CD300LF: variants seen among roughly 807,000 people sequenced by gnomAD.
CD300LF encodes CMRF35-like molecule 1.
A neutral mutation model predicts 32.2 loss-of-function variants in CD300LF; 27 were observed. That is an observed-to-expected ratio of 0.84 (90% confidence interval 0.62 to 1.15). The LOEUF (loss-of-function observed/expected upper bound fraction) is 1.15, where lower values mean the gene tolerates loss of function less well. CD300LF is among the 50% of genes most tolerant of loss of function. The pLI is 0.00. For missense variants in CD300LF, 348 were observed against 356.8 expected (o/e 0.98, Z 0.20); for synonymous variants, 139 against 143.2 (o/e 0.97, Z 0.21).
chr17:74,699,536 C>T (rs765712607), intron 3 of CD300LF, among the ~76,000 whole-genome samples: 9 of 152,004 alleles, frequency 5.9e-5, no homozygotes, highest in African/African-American at 9.7e-5. Context: ...GACCATGAGA[C>T]GACAGAGACA....
rs138502750 is a variant in CD300LF at position 74,700,913 on chromosome 17, G to T, written c.446+2122C>A. ...AAAGAGGTGATTGAGGTTAAGTGAG[G>T]TCACTGGGGCAGGCCCTAATCCATT... On this transcript the variant is annotated intron_variant, in intron 3 of 6. Coordinates refer to ENST00000326165, the MANE Select transcript of CD300LF (RefSeq NM_139018.5). Among the ~76,000 whole-genome samples the T allele has an allele frequency of 7.1e-3, 1,066 of 150,014 alleles. 4 individuals are homozygous for T. Among genetic ancestry groups the T allele is most frequent in the South Asian group, 0.04 (185 of 4,604 alleles).
Position 74,695,057 on chromosome 17 carries a change from C to A in CD300LF, c.*39G>T. 6.3e-7 allele frequency: 1 copy of A among 1,594,224 alleles called. No homozygotes were observed. The highest frequency in any genetic ancestry group is 8.6e-7 in the Non-Finnish European group (1 of 1,169,024). On this transcript the variant is annotated 3_prime_UTR_variant, in exon 7 of 7. Transcript: ENST00000326165. ...AGACGGTCGATGAGGCAGGAGTGTG[C>A]TCACAGCCTGGGGTCCAAGAAGGAG...
At chr17:74,700,323 G>A (rs756020322) in intron 3 of CD300LF, among the ~76,000 whole-genome samples, 11 of 152,076 alleles carry the variant, frequency 7.2e-5, no homozygotes, top group Non-Finnish European at 1.3e-4. Context: ...ACTTCCTGCT[G>A]CTCCTCAAAT....
Position 74,700,506 on chromosome 17 carries a change from C to T in CD300LF, c.447-2025G>A, listed in dbSNP as rs143113316. ...CTGTAATCCCAGCACTTTGGGAGGC[C>T]GAGGCAGGCTGATCACATGAGGTCG... On this transcript the variant is annotated intron_variant, in intron 3 of 6. Coordinates refer to ENST00000326165, the MANE Select transcript of CD300LF (RefSeq NM_139018.5). Among the ~76,000 whole-genome samples, 715 of 152,158 alleles carry T rather than the reference C, an allele frequency of 4.7e-3. 5 individuals are homozygous for T. Among genetic ancestry groups the T allele is most frequent in the Non-Finnish European group, 8.3e-3 (562 of 67,994 alleles).
intron 1 of CD300LF, among the ~76,000 whole-genome samples, chr17:74,705,670 C>A (rs1156730351): frequency 1.3e-5 from 2 of 152,110 alleles, no homozygotes; most frequent in African/African-American, 4.8e-5. Context: ...TCATGGCTCA[C>A]TGAAGCCTTC....
Position 74,712,758 on chromosome 17 carries a change from C to G in CD300LF, c.43+66G>C, listed in dbSNP as rs1246962827. 3.8e-6 allele frequency: 6 copies of G among 1,570,394 alleles called. No individual in the cohort carries two copies. The Admixed American group carries it at 6.7e-5, about 18-fold the overall frequency. On this transcript the variant is annotated intron_variant, in intron 1 of 6. Coordinates refer to ENST00000326165, the MANE Select transcript of CD300LF (RefSeq NM_139018.5). The stretch of plus-strand genomic sequence containing the variant: ...ACACCTTCTGGCCGGGTCCCTTCTT[C>G]CCTCTCTCAGCCACCTCCTCCTGCT...
rs559869971 is a variant in CD300LF at position 74,703,142 on chromosome 17, C to T, written c.383-44G>A. 33 of 1,612,616 alleles carry T rather than the reference C, an allele frequency of 2.0e-5. No homozygotes were observed. The South Asian group carries it at 3.1e-4, about 15-fold the overall frequency. ...TAGGCGTGGTGGGGGCAGGAGTCGA[C>T]GCTGTAGTTGATGCTTGGTGTATAA... is the stretch of plus-strand genomic sequence containing the variant. On this transcript the variant is annotated intron_variant, in intron 2 of 6. Transcript: ENST00000326165.
intron 1 of CD300LF, chr17:74,705,337 T>C: frequency 1.5e-6 from 1 of 675,444 alleles, no homozygotes; most frequent in Non-Finnish European, 2.8e-6. Context: ...TGAATGCCTT[T>C]GAAGTTGATC....
rs770842202 is a variant in CD300LF, at chr17:74,698,499, C to T, written c.447-18G>A. The T allele has an allele frequency of 1.8e-5, 29 of 1,603,870 alleles. No individual in the cohort carries two copies. Among genetic ancestry groups the T allele is most frequent in the East Asian group, 4.5e-5 (2 of 44,486 alleles). ...GCTTGTGCCTAGAAACAATGGCAAG[C>T]GTCCCCTGCATCCCAGGCTCACCAC... is the stretch of plus-strand genomic sequence containing the variant. On this transcript the variant is annotated intron_variant, in intron 3 of 6. Transcript: ENST00000326165.
At chr17:74,698,308 A>T in intron 4 of CD300LF, 61 bp downstream of exon 4, 1 of 1,160,728 alleles carries the variant, frequency 8.6e-7, no homozygotes, top group Non-Finnish European at 1.3e-6. Context: ...GATAGCTCCC[A>T]GATGCCACAT....
chr17:74,709,467 T>C (rs540036975), intron 1 of CD300LF, among the ~76,000 whole-genome samples: 47 of 152,342 alleles, frequency 3.1e-4, no homozygotes, highest in Admixed American at 1.2e-3. Flanking sequence ...TATAATAATT[T>C]GTTAACATGG....
chr17:74,704,569 A>C lies in CD300LF; in HGVS notation c.291T>G (p.Asp97Glu), dbSNP rs371970741. 7.4e-6 allele frequency: 12 copies of C among 1,613,996 alleles called. No homozygotes were observed. The African/African-American group carries it at 1.6e-4, about 22-fold the overall frequency. Residue 97 changes from aspartate to glutamate, a missense_variant, in exon 2 of 7, where the codon GAT becomes GAG. Coordinates refer to ENST00000326165, the MANE Select transcript of CD300LF (RefSeq NM_139018.5). ...KNRTFTVTME[D>E]LMKTDADTYW... Reference sequence around the variant, plus strand: ...AAGTGTCAGCATCAGTTTTCATGAGATCCTCCATGGTCACAGTGAACGTGC... The same window carrying C: ...AAGTGTCAGCATCAGTTTTCATGAGCTCCTCCATGGTCACAGTGAACGTGC...
At chr17:74,707,177 A>C (rs1203047487) in intron 1 of CD300LF, among the ~76,000 whole-genome samples, 1 of 152,230 alleles carries the variant, frequency 6.6e-6, no homozygotes, top group African/African-American at 2.4e-5. Context: ...CAAAGGAAAC[A>C]ACCAAGAGAA....
rs2032336931 is a variant in CD300LF at position 74,695,345 on chromosome 17, C to T, written c.718-94G>A. On this transcript the variant is annotated intron_variant, in intron 6 of 6. Transcript: ENST00000326165. ...TCGGAGGAGGATAGTGGGGATGGAC[C>T]ATTCAGGGCTTCTAATCCCACTCAA... 4 of 1,456,646 alleles carry T rather than the reference C, an allele frequency of 2.7e-6. No individual in the cohort carries two copies. The South Asian group carries it at 5.1e-5, about 19-fold the overall frequency. 90.2% of individuals were successfully genotyped at this position (1,456,646 alleles called of 1,614,324 possible).
chr17:74,694,745 T>A lies in CD300LF; in HGVS notation c.*351A>T, dbSNP rs1449765501. On this transcript the variant is annotated 3_prime_UTR_variant, in exon 7 of 7. Coordinates refer to ENST00000326165, the MANE Select transcript of CD300LF (RefSeq NM_139018.5). ...GGGGGCCATTATTCAGCCCATAACA[T>A]GTGGTAGGCAATAAATAAAGGTTCA... 5.5e-6 allele frequency: 1 copy of A among 182,040 alleles called. No homozygotes were observed. The highest frequency in any genetic ancestry group is 1.1e-5 in the Non-Finnish European group (1 of 87,474). The allele number at this position is 182,040 out of a possible 1,614,324, so 11.3% of individuals were successfully genotyped here.
chr17:74,711,762 C>G (rs184480883), intron 1 of CD300LF, among the ~76,000 whole-genome samples: 1 of 152,152 alleles, frequency 6.6e-6, no homozygotes, highest in East Asian at 1.9e-4. Context: ...GGGGTTGTTT[C>G]AGCCCACCTG....
intron 3 of CD300LF, among the ~76,000 whole-genome samples, chr17:74,702,594 T>A (rs1221717679): frequency 2.0e-5 from 3 of 152,142 alleles, no homozygotes; most frequent in Non-Finnish European, 4.4e-5. Context: ...AAGCCCTCCT[T>A]TCCTTGTCCT....
chr17:74,695,241 G>A lies in CD300LF; in HGVS notation c.728C>T (p.Pro243Leu), dbSNP rs762245835. The change falls in exon 7 of 7, where the codon CCG becomes CTG. Residue 243 changes from proline to leucine, a missense_variant. Coordinates refer to ENST00000326165, the MANE Select transcript of CD300LF (RefSeq NM_139018.5). ...AGATGCATAGGAAATGTCCTCCTTC[G>A]GCAAGGAAGCCTGCAGCAAAGGCGG... ...EVEYVTMASL[P>L]KEDISYASLT... 7.4e-6 allele frequency: 12 copies of A among 1,613,856 alleles called. No individual in the cohort carries two copies. The highest frequency in any genetic ancestry group is 9.3e-6 in the Non-Finnish European group (11 of 1,179,938).
intron 1 of CD300LF, 95 bp from the exon 2 acceptor site, chr17:74,704,911 A>G: frequency 4.1e-6 from 4 of 966,766 alleles, no homozygotes; most frequent in Non-Finnish European, 6.2e-6. Flanking sequence ...CAAGTTTCAC[A>G]GGTTAAATAA....
Sources: gnomAD v4.1 joint callset for allele counts (sites outside exome capture counted in the v4.1 genomes callset) on GRCh38, gnomAD v4.1.1 for gene constraint, MANE v1.5 for transcripts, NCBI Gene and HGNC (gene_info 2026-07-23, HGNC 2026-07-21) for gene names.